The following CFAP74 variants were observed in gnomAD, a reference collection of about 807,000 sequenced individuals.
The protein encoded by CFAP74 is cilia- and flagella-associated protein 74.
A neutral mutation model predicts 188.9 loss-of-function variants in CFAP74; 124 were observed. That is an observed-to-expected ratio of 0.66 (90% CI 0.57 to 0.76). The LOEUF (loss-of-function observed/expected upper bound fraction) is 0.76, where lower values mean the gene tolerates loss of function less well. CFAP74 is among the 30% of genes least tolerant of loss of function. The pLI is 0.00. For synonymous variants in CFAP74, 956 were observed against 916.7 expected, an observed-to-expected ratio of 1.04 and a Z score of -0.77; for missense variants, 2,198 against 2,165.2, an observed-to-expected ratio of 1.02 and a Z score of -0.30.
At chr1:1,970,934 CACACATGCACACCT>C in intron 9 of CFAP74, 118 bp from the exon 10 acceptor site, 1 of 1,203,978 alleles carries the variant, frequency 8.3e-7, no homozygotes. Flanking sequence ...CACGTGCACA[CACACATGCACACCT>C]GCACATGCAC....
At position 1,923,155 on chromosome 1, in the gene CFAP74, T is replaced by C; in HGVS notation, c.4523-10A>G. On this transcript the variant is annotated splice_polypyrimidine_tract_variant and intron_variant, in intron 36 of 38. Coordinates refer to ENST00000682832, the MANE Select transcript of CFAP74 (RefSeq NM_001304360.2). This position sits in a 1 kb window ranked among gnomAD's most constrained non-coding sequence, Gnocchi z 6.3. ...CCTGGCCGGGAGCTGGCTGGAGGGG[T>C]GTGGCCAGGGGAGCTGTTCAGGGTC... The C allele has an allele frequency of 6.2e-7, 1 of 1,601,668 alleles. No homozygotes were observed.
chr1:2,000,104 C>T (rs1658134011), intron 1 of CFAP74, among the ~76,000 whole-genome samples: 2 of 152,018 alleles, frequency 1.3e-5, no homozygotes, highest in South Asian at 4.2e-4. Context: ...GTGGAGGTTG[C>T]AGTGAGCTGA....
At chr1:1,981,722 A>T (rs1656874759) in intron 6 of CFAP74, among the ~76,000 whole-genome samples, 23 of 133,258 alleles carry the variant, frequency 1.7e-4, no homozygotes, top group East Asian at 4.8e-4. Flanking sequence ...CCAGCCGCGG[A>T]CAGACACGGG....
At chr1:1,932,335 T>C (rs1010410090) in intron 25 of CFAP74, among the ~76,000 whole-genome samples, 1 of 149,794 alleles carries the variant, frequency 6.7e-6, no homozygotes, top group Non-Finnish European at 1.5e-5. Flanking sequence ...AGGCGGAGCT[T>C]GCAGTGAGCC....
At chr1:1,934,775 A>G (rs1652729276) in intron 25 of CFAP74, among the ~76,000 whole-genome samples, 3 of 133,090 alleles carry the variant, frequency 2.3e-5, no homozygotes, top group South Asian at 2.6e-4. Context: ...ACACGTGTGT[A>G]CGTGGGTGTT....
At chr1:1,948,957 A>C (rs1456244051) in intron 18 of CFAP74, among the ~76,000 whole-genome samples, 117 of 9,170 alleles carry the variant, frequency 0.013, no homozygotes, top group East Asian at 0.019. Context: ...TCCCTCCCTT[A>C]CTCCCTTCCT....
chr1:1,943,130 A>G (rs1653502934), intron 21 of CFAP74, among the ~76,000 whole-genome samples: 1 of 152,146 alleles, frequency 6.6e-6, no homozygotes, highest in African/African-American at 2.4e-5. Context: ...GAGTCTATAC[A>G]AATGAGCACA....
At chr1:1,994,883 T>A (rs527685107) in intron 1 of CFAP74, among the ~76,000 whole-genome samples, 1 of 152,116 alleles carries the variant, frequency 6.6e-6, no homozygotes, top group Non-Finnish European at 1.5e-5. Flanking sequence ...GCAAGGGTCA[T>A]TGGGAGAAAC....
At position 1,999,655 on chromosome 1, in the gene CFAP74, AAAAAT is replaced by A. The variant is rs370748238; in HGVS notation, c.-20+4041_-20+4045del. 3.0e-3 allele frequency among the ~76,000 whole-genome samples: 457 copies of A among 152,042 alleles called. 2 individuals are homozygous for A. In the South Asian group the frequency reaches 0.03, roughly 10 times the overall value. On this transcript the variant is annotated intron_variant, in intron 1 of 38. Coordinates refer to ENST00000682832, the MANE Select transcript of CFAP74 (RefSeq NM_001304360.2). ...AACATGGTGAAACCCCGTCTCTACA[AAAAAT>A]ACAAAAATTAGCCAGGCGCGGTGGC...
intron 18 of CFAP74, among the ~76,000 whole-genome samples, chr1:1,948,910 CCTTCCCT>C (rs1420806114): frequency 2.1e-5 from 3 of 139,940 alleles, no homozygotes; most frequent in Non-Finnish European, 3.1e-5. Flanking sequence ...TCCCTTCCTT[CCTTCCCT>C]TTCCTTCCTT....
chr1:1,956,356 G>T (rs750864360), intron 17 of CFAP74, among the ~76,000 whole-genome samples: 2 of 152,146 alleles, frequency 1.3e-5, no homozygotes, highest in Non-Finnish European at 2.9e-5. Context: ...CTCGGGCCTG[G>T]AGCTGCTGGC....
chr1:1,935,268 A>ATG (rs1652802193), intron 25 of CFAP74, among the ~76,000 whole-genome samples: 1 of 84,420 alleles, frequency 1.2e-5, no homozygotes, highest in African/African-American at 4.4e-5. Context: ...ACACGTGTGT[A>ATG]TGTGGGTGTT....
intron 25 of CFAP74, among the ~76,000 whole-genome samples, chr1:1,931,433 A>T (rs1166909768): frequency 6.2e-4 from 3 of 4,812 alleles, no homozygotes; most frequent in East Asian, 0.013. Flanking sequence ...CCATCTCAAT[A>T]AAAAAAAAAA....
chr1:1,927,094 C>T, intron 28 of CFAP74, 66 bp from the exon 29 acceptor site: 1 of 1,536,260 alleles, frequency 6.5e-7, no homozygotes, highest in Admixed American at 2.0e-5. Flanking sequence ...AGGCCGGACC[C>T]CTGCGGCTCT....
chr1:1,932,094 CAAAA>C (rs1421626192), intron 25 of CFAP74, among the ~76,000 whole-genome samples: 1 of 102,202 alleles, frequency 9.8e-6, no homozygotes, highest in Non-Finnish European at 1.9e-5. Flanking sequence ...AAACAAAAAA[CAAAA>C]AACTTAGAAA....
At chr1:1,956,815 C>T (rs1423043009) in intron 16 of CFAP74, 31 bp from the exon 17 acceptor site, 1 of 1,603,342 alleles carries the variant, frequency 6.2e-7, no homozygotes, top group Non-Finnish European at 8.5e-7. Context: ...AACTCAGGGC[C>T]ACCGTGCCAG....
intron 9 of CFAP74, among the ~76,000 whole-genome samples, chr1:1,971,065 A>C (rs1407310420): frequency 7.1e-6 from 1 of 141,558 alleles, no homozygotes; most frequent in African/African-American, 2.9e-5. Context: ...ATGCTCACAC[A>C]CGCACACCTG....
At chr1:1,970,266 G>A (rs1421606975) in intron 10 of CFAP74, among the ~76,000 whole-genome samples, 1 of 152,268 alleles carries the variant, frequency 6.6e-6, no homozygotes, top group Non-Finnish European at 1.5e-5. Flanking sequence ...AGCAAGGGCA[G>A]GCCCAGCAGC....
chr1:1,977,217 C>T (rs933117161), intron 6 of CFAP74, among the ~76,000 whole-genome samples: 1 of 152,166 alleles, frequency 6.6e-6, no homozygotes, highest in East Asian at 1.9e-4. Context: ...CGAACAATAG[C>T]GTTGAGTTCC....
Sources: gnomAD v4.1 joint callset for allele counts (sites outside exome capture counted in the v4.1 genomes callset) on GRCh38, gnomAD v4.1.1 for gene constraint, Gnocchi (gnomAD v3.1) non-coding constraint, MANE v1.5 for transcripts, NCBI Gene and HGNC (gene_info 2026-07-23, HGNC 2026-07-21) for gene names.